The following IMMT variants were observed in gnomAD, a reference collection of about 807,000 sequenced individuals.
IMMT encodes the protein inner membrane mitochondrial protein, also known as MICOS complex subunit MIC60.
A neutral mutation model predicts 92.7 loss-of-function variants in IMMT; 40 were observed. The observed-to-expected ratio is 0.43, with a 90% CI of 0.34 to 0.56. The LOEUF is 0.56. Among genes scored for constraint, IMMT ranks in the 20% least tolerant of loss-of-function variants. The pLI is 0.03. For synonymous variants in IMMT, 322 were observed against 336.1 expected (o/e 0.96, Z 0.46); for missense variants, 831 against 912.1 (o/e 0.91, Z 1.14).
chr2:86,167,867 T>C (rs1481904641), intron 6 of IMMT, among the ~76,000 whole-genome samples: 2 of 152,210 alleles, frequency 1.3e-5, no homozygotes. Context: ...GGTAATGTAT[T>C]TCAAATGGGA....
rs1049476419 is a variant in IMMT, at chr2:86,145,899, G to C, written c.1663+169C>G. Among the ~76,000 whole-genome samples, 3 of 152,138 alleles carry C rather than the reference G, an allele frequency of 2.0e-5. No individual in the cohort carries two copies. In the East Asian group the frequency reaches 5.8e-4, roughly 29 times the overall value. On this transcript the variant is annotated intron_variant, in intron 14 of 14. Transcript: ENST00000410111. ...TTGTCATACAAGGTATAAATTTCTA[G>C]TTATATAGATTTTGCCATTACTTTT...
intron 6 of IMMT, among the ~76,000 whole-genome samples, chr2:86,167,477 GTTTTTTGTTTTTTT>G (rs1465601244): frequency 5.1e-5 from 2 of 39,564 alleles, no homozygotes; most frequent in Non-Finnish European, 1.1e-4. Context: ...CCGGTTTTTT[GTTTTTTGTTTTTTT>G]TTTTTTTTTT....
chr2:86,191,029 T>C (rs1673081817), intron 1 of IMMT, among the ~76,000 whole-genome samples: 1 of 151,852 alleles, frequency 6.6e-6, no homozygotes, highest in African/African-American at 2.4e-5. Context: ...GACTGTGTTT[T>C]TGGATGAGAT....
intron 3 of IMMT, among the ~76,000 whole-genome samples, chr2:86,177,941 T>C (rs1346011561): frequency 6.6e-6 from 1 of 152,178 alleles, no homozygotes; most frequent in African/African-American, 2.4e-5. Context: ...AGTTATTTTC[T>C]ATGTGATATG....
chr2:86,166,429 C>T, intron 7 of IMMT, 79 bp downstream of exon 7: 1 of 1,369,908 alleles, frequency 7.3e-7, no homozygotes, highest in Non-Finnish European at 1.0e-6. Context: ...AAATATTACA[C>T]TTCTCTCCAC....
Position 86,179,633 on chromosome 2 carries a change from G to T in IMMT, c.120-11C>A. 2.5e-6 allele frequency: 4 copies of T among 1,576,002 alleles called. No homozygotes were observed. Among genetic ancestry groups the T allele is most frequent in the Non-Finnish European group, 3.4e-6 (4 of 1,165,676 alleles). On this transcript the variant is annotated splice_polypyrimidine_tract_variant and intron_variant, in intron 2 of 14. Coordinates refer to ENST00000410111, the MANE Select transcript of IMMT (RefSeq NM_006839.3). ...TTGCCAGTAGTCAACCTAAGTGAAAGAAACAGGAAATACATTTATATTTCT... is the reference window on the plus strand; with the variant it reads ...TTGCCAGTAGTCAACCTAAGTGAAATAAACAGGAAATACATTTATATTTCT...
rs953097156 is a variant in IMMT, at chr2:86,170,624, A to G, written c.655+125T>C. On this transcript the variant is annotated intron_variant, in intron 6 of 14. Transcript: ENST00000410111. ...GTGATGAATAAAGCAATGCCACTAA[A>G]AAACAACCGCAGCAACAAAAGAAAC... 3 of 644,928 alleles carry G rather than the reference A, an allele frequency of 4.7e-6. No individual in the cohort carries two copies. The African/African-American group carries it at 5.5e-5, about 12-fold the overall frequency. The allele number at this position is 644,928 out of a possible 1,614,324, so 40.0% of individuals were successfully genotyped here.
chr2:86,146,408 A>C (rs897148756), intron 13 of IMMT, among the ~76,000 whole-genome samples: 2 of 143,690 alleles, frequency 1.4e-5, no homozygotes, highest in African/African-American at 2.6e-5. Flanking sequence ...ATCTTGCTTT[A>C]TTGCCAGGTT....
intron 1 of IMMT, among the ~76,000 whole-genome samples, chr2:86,183,138 G>A (rs1573940935): frequency 1.3e-5 from 2 of 152,180 alleles, no homozygotes; most frequent in East Asian, 3.9e-4. Context: ...TATCTGTCTA[G>A]GTATAAATAG....
At chr2:86,158,847 C>A in intron 9 of IMMT, 126 bp from the exon 10 acceptor site, 1 of 771,316 alleles carries the variant, frequency 1.3e-6, no homozygotes, top group Non-Finnish European at 2.0e-6. Context: ...ATCTGAAGCT[C>A]AGAAATAGAA....
At chr2:86,150,362 G>C (rs1330178250) in intron 12 of IMMT, among the ~76,000 whole-genome samples, 1 of 152,194 alleles carries the variant, frequency 6.6e-6, no homozygotes, top group Non-Finnish European at 1.5e-5. Context: ...CAGAACTAAT[G>C]CCAGGTATGC....
Position 86,166,608 on chromosome 2 carries a change from G to C in IMMT, c.692C>G (p.Thr231Ser). 10 of 1,612,836 alleles carry C rather than the reference G, an allele frequency of 6.2e-6. No individual in the cohort carries two copies. The highest frequency in any genetic ancestry group is 8.5e-6 in the Non-Finnish European group (10 of 1,179,506). Reference sequence around the variant, plus strand: ...AATAGCCTGCAGAGTGACACTTGCAGTTTGCCTCAGAGCATCTTCTAAGCT... The same window carrying C: ...AATAGCCTGCAGAGTGACACTTGCACTTTGCCTCAGAGCATCTTCTAAGCT... ...AKSLEDALRQ[T>S]ASVTLQAIAA... Residue 231 changes from threonine to serine, a missense_variant, in exon 7 of 15, where the codon ACT becomes AGT. Thr to Ser is a moderately conservative substitution (Grantham distance 58). Coordinates refer to ENST00000410111, the MANE Select transcript of IMMT (RefSeq NM_006839.3).
At position 86,164,689 on chromosome 2, in the gene IMMT, C is replaced by CAAAAA. The variant is rs56964046; in HGVS notation, c.792+1814_792+1818dup. 7.2e-5 allele frequency among the ~76,000 whole-genome samples: 8 copies of CAAAAA among 111,442 alleles called. 3 individuals carry two copies. Among genetic ancestry groups the CAAAAA allele is most frequent in the Non-Finnish European group, 5.4e-5 (3 of 55,826 alleles). 73.1% of individuals were successfully genotyped at this position (111,442 alleles called of 152,430 possible). A position where few individuals can be genotyped will look rare whatever the true frequency, so the allele number is the denominator to read the frequency against. On this transcript the variant is annotated intron_variant, in intron 7 of 14. Transcript: ENST00000410111. ...CTGGTGACAGAGCAAGACTCTGTCT[C>CAAAAA]AAAAAAAAAAAAAAAGGAATGGATG...
chr2:86,186,609 G>A (rs896417647), intron 1 of IMMT, among the ~76,000 whole-genome samples: 2 of 152,140 alleles, frequency 1.3e-5, no homozygotes, highest in South Asian at 4.1e-4. Flanking sequence ...TGCCACAGAT[G>A]GGTGATCCAG....
chr2:86,174,964 T>C (rs575031054), intron 3 of IMMT, among the ~76,000 whole-genome samples: 2 of 152,328 alleles, frequency 1.3e-5, no homozygotes, highest in Admixed American at 6.5e-5. Flanking sequence ...ATCTATGGGA[T>C]AGTTTTCAGA....
chr2:86,157,607 G>A (rs918920717), intron 10 of IMMT, among the ~76,000 whole-genome samples: 10 of 151,876 alleles, frequency 6.6e-5, no homozygotes, highest in Middle Eastern at 3.2e-3. Context: ...CCAAAATGGC[G>A]AAACCCTGTC....
Position 86,181,303 on chromosome 2 carries a change from A to G in IMMT, c.115T>C (p.Ser39Pro). The change falls in exon 2 of 15, where the codon TCT becomes CCT. Residue 39 changes from serine (S) to proline (P), a missense_variant. By Grantham distance (74) the Ser-to-Pro change is moderately conservative. Transcript: ENST00000410111. ...ATAGGGAGACATAATACATACCCAG[A>G]GCTGCCTGAAGTAGAGTATCTGCGG... ...PCRRYSTSGS[S>P]GLTTGKIAGA... The G allele has an allele frequency of 1.2e-6, 2 of 1,612,552 alleles. No individual in the cohort carries two copies. The highest frequency in any genetic ancestry group is 1.7e-6 in the Non-Finnish European group (2 of 1,178,552).
At chr2:86,160,937 T>G (rs1481512209) in intron 8 of IMMT, among the ~76,000 whole-genome samples, 1 of 152,160 alleles carries the variant, frequency 6.6e-6, no homozygotes, top group East Asian at 1.9e-4. Flanking sequence ...CTGACTTTTA[T>G]GTAAGATCCT....
intron 3 of IMMT, among the ~76,000 whole-genome samples, chr2:86,175,694 G>A (rs1677386383): frequency 6.8e-6 from 1 of 147,136 alleles, no homozygotes; most frequent in Admixed American, 6.9e-5. Context: ...TTGACACGAT[G>A]TTTAACAGTA....
Sources: allele counts gnomAD v4.1 joint callset (sites outside exome capture counted in the v4.1 genomes callset), GRCh38; gene constraint gnomAD v4.1.1; transcripts MANE v1.5; gene names NCBI Gene and HGNC (gene_info 2026-07-23, HGNC 2026-07-21).